DISP3: variants seen among roughly 807,000 people sequenced by gnomAD.
DISP3 encodes protein dispatched homolog 3.
Under a neutral mutation model 135.3 loss-of-function variants are expected in DISP3, and 101 were observed. The ratio of observed to expected loss-of-function variants is 0.75; its 90% CI spans 0.64 to 0.88. The LOEUF is 0.88. DISP3 is among the 40% of genes least tolerant of loss of function. DISP3 has a pLI of 0.00. For synonymous variants in DISP3, 856 were observed against 817.0 expected (o/e 1.05, Z -0.81); for missense variants, 1,713 against 1,878.6 (o/e 0.91, Z 1.63).
At chr1:11,534,937 G>T in intron 18 of DISP3, 74 bp from the exon 19 acceptor site, 1 of 1,329,138 alleles carries the variant, frequency 7.5e-7, no homozygotes, top group East Asian at 2.5e-5. Context: ...GAGAGGTCAA[G>T]GGCTCACCCC....
chr1:11,494,101 G>C (rs1270897706), intron 1 of DISP3, among the ~76,000 whole-genome samples: 1 of 152,202 alleles, frequency 6.6e-6, no homozygotes, highest in African/African-American at 2.4e-5. Context: ...ATAGACCTGG[G>C]GTTCAAACTC....
Position 11,514,440 on chromosome 1 carries a change from G to T in DISP3, c.1367G>T (p.Arg456Leu), listed in dbSNP as rs1248807960. The T allele has an allele frequency of 2.5e-6, 4 of 1,613,504 alleles. No homozygotes were observed. The highest frequency in any genetic ancestry group is 1.3e-5 in the African/African-American group (1 of 74,926). ...ACAGACCTGTTTGACTATGAAGTGC[G>T]CAGGACGTTCAACAATGACATGCTC... ...GGTDLFDYEV[R>L]RTFNNDMLLA... The change falls in exon 4 of 21, where the codon CGC (arginine) becomes CTC (leucine). Residue 456 changes from arginine to leucine, a missense_variant. This residue lies in a region of DISP3 where 1,142 missense variants were observed against 1,384.6 expected (regional missense o/e 0.82). Coordinates refer to ENST00000294484, the MANE Select transcript of DISP3 (RefSeq NM_020780.2).
Position 11,501,088 on chromosome 1 carries a change from G to T in DISP3, c.96G>T (p.Gln32His), listed in dbSNP as rs1353170229. The stretch of plus-strand genomic sequence containing the variant: ...CGGGTGAAACCTTTTTAGGGGCCCA[G>T]AAGCCAGGGCCCCAACCTGGGGCAG... ...EATGETFLGA[Q>H]KPGPQPGAGG... The change falls in exon 2 of 21, where the codon CAG becomes CAT. Residue 32 changes from glutamine to histidine, a missense_variant. Physicochemically the swap from Gln to His is conservative, Grantham distance 24. Transcript: ENST00000294484. The surrounding 1 kb of genome is among the most constrained non-coding windows in gnomAD (Gnocchi z 4.9). 5.6e-6 allele frequency: 9 copies of T among 1,614,050 alleles called. No homozygotes were observed. The highest frequency in any genetic ancestry group is 7.6e-6 in the Non-Finnish European group (9 of 1,180,026).
chr1:11,515,081 C>T (rs1641968320), intron 4 of DISP3, among the ~76,000 whole-genome samples: 1 of 152,252 alleles, frequency 6.6e-6, no homozygotes, highest in Admixed American at 6.5e-5. Flanking sequence ...TGTAAGGTGC[C>T]AGGGATCCAG....
intron 3 of DISP3, among the ~76,000 whole-genome samples, chr1:11,507,807 T>G (rs1641749000): frequency 1.3e-5 from 2 of 152,220 alleles, no homozygotes; most frequent in African/African-American, 4.8e-5. Context: ...AACTTGAGAG[T>G]AAAAGTATGG....
At chr1:11,494,839 G>A (rs962491640) in intron 1 of DISP3, among the ~76,000 whole-genome samples, 1 of 152,164 alleles carries the variant, frequency 6.6e-6, no homozygotes, top group African/African-American at 2.4e-5. Flanking sequence ...TTAATAGTCT[G>A]GCTGGTATGG....
chr1:11,493,979 G>A (rs763052772), intron 1 of DISP3, among the ~76,000 whole-genome samples: 9 of 152,336 alleles, frequency 5.9e-5, no homozygotes, highest in Non-Finnish European at 7.4e-5. Context: ...TTATGGGGAT[G>A]GGGCAAACTT....
chr1:11,520,629 C>A lies in DISP3; in HGVS notation c.2201-58C>A. 6.4e-7 allele frequency: 1 copy of A among 1,566,976 alleles called. No individual in the cohort carries two copies. Among genetic ancestry groups the A allele is most frequent in the Non-Finnish European group, 8.7e-7 (1 of 1,149,820 alleles). On this transcript the variant is annotated intron_variant, in intron 9 of 20. Transcript: ENST00000294484. This position sits in a 1 kb window ranked among gnomAD's most constrained non-coding sequence, Gnocchi z 4.8. ...GTTGTCTCCCGGCACTTTGGAGCCC[C>A]ACTGGGAACAGACCAGCTGGGCCCA...
At chr1:11,525,798 G>A (rs1414996352) in intron 12 of DISP3, among the ~76,000 whole-genome samples, 1 of 151,974 alleles carries the variant, frequency 6.6e-6, no homozygotes, top group Admixed American at 6.6e-5. Flanking sequence ...AGTCATTTGT[G>A]TTTCTTTTCT....
At chr1:11,535,385 C>T (rs1346174413) in intron 19 of DISP3, 93 bp from the exon 20 acceptor site, 2 of 1,487,696 alleles carry the variant, frequency 1.3e-6, no homozygotes, top group Non-Finnish European at 1.8e-6. Context: ...TCTCCTGTCA[C>T]CTGAGGGTGG....
At chr1:11,479,931 C>G (rs934755937) in intron 1 of DISP3, among the ~76,000 whole-genome samples, 1 of 152,166 alleles carries the variant, frequency 6.6e-6, no homozygotes, top group African/African-American at 2.4e-5. Context: ...TTGGGGCGGG[C>G]CGGGCCAGCG....
intron 1 of DISP3, among the ~76,000 whole-genome samples, chr1:11,500,472 C>T (rs1570083661): frequency 6.6e-6 from 1 of 152,218 alleles, no homozygotes; most frequent in Non-Finnish European, 1.5e-5. Flanking sequence ...CACTGCCTTG[C>T]TGATACTCAT....
chr1:11,486,139 C>T (rs562761768), intron 1 of DISP3, among the ~76,000 whole-genome samples: 214 of 152,318 alleles, frequency 1.4e-3, no homozygotes, highest in African/African-American at 4.7e-3. Flanking sequence ...AGTGGCAGGA[C>T]GTTGCTGGCT....
chr1:11,510,477 G>A (rs1641827675), intron 3 of DISP3, among the ~76,000 whole-genome samples: 1 of 151,792 alleles, frequency 6.6e-6, no homozygotes, highest in Admixed American at 6.6e-5. Flanking sequence ...TTATGTTATT[G>A]TGGTTATGCA....
rs1480369669 is a variant in DISP3, at chr1:11,497,367, C to A, written c.-3-3623C>A. On this transcript the variant is annotated intron_variant, in intron 1 of 20. Transcript: ENST00000294484. The stretch of plus-strand genomic sequence containing the variant: ...TATCCCTTGCCCCCTCACCCTTCCC[C>A]CCAAGTCCCCAAAATCCATTGTATC... Among the ~76,000 whole-genome samples the A allele has an allele frequency of 2.0e-5, 3 of 151,760 alleles. No individual in the cohort carries two copies. The East Asian group carries it at 5.8e-4, about 29-fold the overall frequency.
At chr1:11,502,602 G>A in intron 2 of DISP3, 76 bp from the exon 3 acceptor site, 1 of 1,200,796 alleles carries the variant, frequency 8.3e-7, no homozygotes, top group Non-Finnish European at 1.2e-6. Context: ...GCTGCAATGA[G>A]ACTGGATGAC....
At chr1:11,484,389 T>C (rs1477611224) in intron 1 of DISP3, among the ~76,000 whole-genome samples, 1 of 152,162 alleles carries the variant, frequency 6.6e-6, no homozygotes, top group Admixed American at 6.5e-5. Context: ...GAGGAGCTGA[T>C]GGGCAGCGGC....
chr1:11,509,021 T>A (rs1354412363), intron 3 of DISP3, among the ~76,000 whole-genome samples: 3 of 152,332 alleles, frequency 2.0e-5, no homozygotes, highest in Admixed American at 2.0e-4. Flanking sequence ...TTTTCTTTCC[T>A]AATAGAAGTG....
chr1:11,509,930 T>C (rs1641811821), intron 3 of DISP3, among the ~76,000 whole-genome samples: 1 of 151,978 alleles, frequency 6.6e-6, no homozygotes. Context: ...GAAACCCATG[T>C]TACTAAAAAA....
Sources: allele counts gnomAD v4.1 joint callset (sites outside exome capture counted in the v4.1 genomes callset), GRCh38; gene constraint gnomAD v4.1.1; regional missense constraint gnomAD v4.1.1; non-coding constraint Gnocchi (gnomAD v3.1); transcripts MANE v1.5; gene names NCBI Gene and HGNC (gene_info 2026-07-23, HGNC 2026-07-21).